Variants in TMC8 observed in about 807,000 individuals in gnomAD.
TMC8 encodes the protein transmembrane channel like 8.
A neutral mutation model predicts 76.0 loss-of-function variants in TMC8; 71 were observed. The ratio of observed to expected loss-of-function variants is 0.93; its 90% CI spans 0.77 to 1.14. The LOEUF (loss-of-function observed/expected upper bound fraction) is 1.14, where lower values mean the gene tolerates loss of function less well. TMC8 is among the 50% of genes most tolerant of loss of function. TMC8 has a pLI of 0.00. For synonymous variants in TMC8, 433 were observed against 433.8 expected (o/e 1.00, Z 0.02); for missense variants, 924 against 947.9 (o/e 0.97, Z 0.33).
In TMC8 at chr17:78,137,932, G is replaced by A. The variant is rs547998174; in HGVS notation, c.1350-73G>A. 447 of 1,604,434 alleles carry A rather than the reference G, an allele frequency of 2.8e-4. 3 individuals carry two copies. Among genetic ancestry groups the A allele is most frequent in the South Asian group, 3.5e-4 (32 of 90,768 alleles). The stretch of plus-strand genomic sequence containing the variant: ...TGTGGAGCCCGGGAGTAAGTGGCAG[G>A]CTGTGGCCATGACCAATACAGCCCA... On this transcript the variant is annotated intron_variant, in intron 11 of 15. Coordinates refer to ENST00000318430, the MANE Select transcript of TMC8 (RefSeq NM_152468.5).
chr17:78,134,181 C>A (rs1006049303), intron 7 of TMC8, among the ~76,000 whole-genome samples, 181 bp downstream of exon 7: 7 of 152,146 alleles, frequency 4.6e-5, no homozygotes, highest in Non-Finnish European at 1.0e-4. Context: ...GCATGTGTGG[C>A]CGAGTGTGAG....
chr17:78,140,949 CCTT>C lies in TMC8; in HGVS notation c.2021_2023del (p.Phe674del). 6 of 1,594,030 alleles carry C rather than the reference CCTT, an allele frequency of 3.8e-6. No homozygotes were observed. The highest frequency in any genetic ancestry group is 1.1e-5 in the South Asian group (1 of 88,684). On this transcript the variant is annotated inframe_deletion, in exon 16 of 16. Transcript: ENST00000318430. ...GCCTCCCAAGCTTCGCGCCCGCAGTCCTTCTGCCCCGGATGCCCATGCCCTGGC... is the reference window on the plus strand; with the variant it reads ...GCCTCCCAAGCTTCGCGCCCGCAGTCCTGCCCCGGATGCCCATGCCCTGGC...
intron 15 of TMC8, 151 bp downstream of exon 15, chr17:78,139,391 G>A (rs1240270653): frequency 1.2e-5 from 10 of 831,652 alleles, no homozygotes; most frequent in Non-Finnish European, 1.9e-5. Context: ...GACGGGGAAG[G>A]GGAGGAAGAG....
chr17:78,137,799 T>C lies in TMC8; in HGVS notation c.1334T>C (p.Val445Ala), dbSNP rs1295154425. 3 of 1,613,334 alleles carry C rather than the reference T, an allele frequency of 1.9e-6. No individual in the cohort carries two copies. Among genetic ancestry groups the C allele is most frequent in the South Asian group, 2.2e-5 (2 of 91,082 alleles). Residue 445 changes from valine (V) to alanine (A), a missense_variant, in exon 11 of 16, where the codon GTC (valine) becomes GCC (alanine). Transcript: ENST00000318430. ...CTCACCGTGGCCTTCGCCTTCCTGG[T>C]CACCCTGCCTCGGAGGTGAGCCCCG... The part of the protein sequence containing the change: ...FLLTVAFAFL[V>A]TLPRRLLVDR...
chr17:78,134,105 C>T, intron 7 of TMC8, 105 bp downstream of exon 7: 1 of 1,533,652 alleles, frequency 6.5e-7, no homozygotes, highest in Non-Finnish European at 9.0e-7. Context: ...GCGACCGTGC[C>T]AGTGTGTGTG....
At chr17:78,140,496 G>C (rs983077276) in intron 15 of TMC8, among the ~76,000 whole-genome samples, 1 of 151,568 alleles carries the variant, frequency 6.6e-6, no homozygotes, top group African/African-American at 2.4e-5. Context: ...GATCTGCATG[G>C]GGTGGGACCC....
rs1568010910 is a variant in TMC8, at chr17:78,131,461, C to T, written c.-128C>T. 2.9e-6 allele frequency: 4 copies of T among 1,361,644 alleles called. No homozygotes were observed. In the South Asian group the frequency reaches 3.8e-5, roughly 13 times the overall value. 84.3% of individuals were successfully genotyped at this position (1,361,644 alleles called of 1,614,324 possible). A position where few individuals can be genotyped will look rare whatever the true frequency, so the allele number is the denominator to read the frequency against. On this transcript the variant is annotated 5_prime_UTR_variant, in exon 2 of 16. The change creates a new upstream start codon in the 5' untranslated region. Coordinates refer to ENST00000318430, the MANE Select transcript of TMC8 (RefSeq NM_152468.5). The stretch of plus-strand genomic sequence containing the variant: ...GGCCCCGACGCCGGCGCAGAGGGGA[C>T]GGAAGGGCCCGCCCCCAGCCCAGCG...
In TMC8 at chr17:78,141,307, C is replaced by T; in HGVS notation, c.*195C>T. On this transcript the variant is annotated 3_prime_UTR_variant, in exon 16 of 16. Transcript: ENST00000318430. Reference sequence around the variant, plus strand: ...TTTCTTTCTATATTTTAATCTCATCCCTTTAAAATGTCTATTTTTTATTGT... The same window carrying T: ...TTTCTTTCTATATTTTAATCTCATCTCTTTAAAATGTCTATTTTTTATTGT... 2.5e-6 allele frequency: 1 copy of T among 405,602 alleles called. No homozygotes were observed. Among genetic ancestry groups the T allele is most frequent in the Non-Finnish European group, 4.4e-6 (1 of 229,772 alleles). 25.1% of individuals were successfully genotyped at this position (405,602 alleles called of 1,614,324 possible). A position where few individuals can be genotyped will look rare whatever the true frequency, so the allele number is the denominator to read the frequency against.
At chr17:78,134,218 C>T (rs966753590) in intron 7 of TMC8, among the ~76,000 whole-genome samples, 176 bp from the exon 8 acceptor site, 8 of 152,214 alleles carry the variant, frequency 5.3e-5, no homozygotes, top group Admixed American at 2.0e-4. Context: ...TGGGTGATGG[C>T]GAGCACGCCT....
chr17:78,135,642 G>A lies in TMC8; in HGVS notation c.1127+633G>A, dbSNP rs546033952. Among the ~76,000 whole-genome samples, 466 of 152,264 alleles carry A rather than the reference G, an allele frequency of 3.1e-3. 4 individuals are homozygous for A. Among genetic ancestry groups the A allele is most frequent in the Non-Finnish European group, 5.2e-3 (356 of 68,016 alleles). On this transcript the variant is annotated intron_variant, in intron 9 of 15. Transcript: ENST00000318430. Reference sequence around the variant, plus strand: ...CCCTCATCCAGCTGCAGAAATTCTTGTGTAAAGCCCACCTGAGCTCCCACT... The same window carrying A: ...CCCTCATCCAGCTGCAGAAATTCTTATGTAAAGCCCACCTGAGCTCCCACT...
intron 5 of TMC8, among the ~76,000 whole-genome samples, chr17:78,133,081 C>T (rs1238347246): frequency 1.3e-5 from 2 of 152,184 alleles, no homozygotes; most frequent in Non-Finnish European, 2.9e-5. Context: ...GACACATGCC[C>T]GTGGTCCTCA....
At chr17:78,137,133 CACA>C in intron 9 of TMC8, 99 bp from the exon 10 acceptor site, 5 of 1,551,864 alleles carry the variant, frequency 3.2e-6, no homozygotes, top group Middle Eastern at 1.8e-4. Context: ...GGGCCCAGGA[CACA>C]ACATGATCCC....
chr17:78,137,825 G>C lies in TMC8; in HGVS notation c.1349+11G>C, dbSNP rs751680660. The C allele has an allele frequency of 8.4e-5, 135 of 1,612,314 alleles. No individual in the cohort carries two copies. Among genetic ancestry groups the C allele is most frequent in the Non-Finnish European group, 1.1e-4 (128 of 1,179,828 alleles). ...CACCCTGCCTCGGAGGTGAGCCCCG[G>C]GGTGACACCTCCAGAAGGGCGGGGG... On this transcript the variant is annotated intron_variant, in intron 11 of 15. Coordinates refer to ENST00000318430, the MANE Select transcript of TMC8 (RefSeq NM_152468.5).
chr17:78,134,667 T>TCGGTCGTGGCCACAGGTCA lies in TMC8; in HGVS notation c.987+107_987+125dup, dbSNP rs1466973252. 2.6e-6 allele frequency: 4 copies of TCGGTCGTGGCCACAGGTCA among 1,547,016 alleles called. No individual in the cohort carries two copies. The African/African-American group carries it at 5.5e-5, about 21-fold the overall frequency. ...GAAACCGAGGCTCAGAGAGGTTCAA[T>TCGGTCGTGGCCACAGGTCA]CGGTCGTGGCCACAGGTCACGGCCA... is the stretch of plus-strand genomic sequence containing the variant. On this transcript the variant is annotated intron_variant, in intron 8 of 15. Transcript: ENST00000318430.
intron 9 of TMC8, chr17:78,136,617 T>TA (rs1473714887): frequency 1.1e-5 from 2 of 176,652 alleles, no homozygotes; most frequent in African/African-American, 4.8e-5. Context: ...TCAATGTCCA[T>TA]AGGCGGCGGA....
chr17:78,132,435 G>A lies in TMC8; in HGVS notation c.375G>A (p.Leu125=), dbSNP rs771956551. The change falls in exon 4 of 16, where the codon CTG becomes CTA. Residue 125 remains leucine, a synonymous_variant. Coordinates refer to ENST00000318430, the MANE Select transcript of TMC8 (RefSeq NM_152468.5). ...TGCTACTCAACCTGCTGAGCCTGCT[G>A]CTCACCGCAAGCTTCGTGCTGCTGC... ...FLLLLNLLSL[L]LTASFVLLPL... is the part of the protein sequence containing the mutation. 2 of 1,612,732 alleles carry A rather than the reference G, an allele frequency of 1.2e-6. No individual in the cohort carries two copies. Among genetic ancestry groups the A allele is most frequent in the South Asian group, 1.1e-5 (1 of 90,850 alleles).
chr17:78,132,100 G>C (rs1444187048), intron 3 of TMC8, 70 bp downstream of exon 3: 1 of 1,531,622 alleles, frequency 6.5e-7, no homozygotes, highest in East Asian at 2.4e-5. Flanking sequence ...GGAAAAAGGA[G>C]AGTGGCATCA....
intron 6 of TMC8, 77 bp from the exon 7 acceptor site, chr17:78,133,776 C>T: frequency 1.2e-6 from 2 of 1,606,190 alleles, no homozygotes; most frequent in African/African-American, 1.3e-5. Context: ...CCTTCCCAGA[C>T]CCAGAGCCGA....
chr17:78,139,371 T>C, intron 15 of TMC8, 131 bp downstream of exon 15: 1 of 994,078 alleles, frequency 1.0e-6, no homozygotes, highest in Non-Finnish European at 1.5e-6. Context: ...GGCCTCAGGC[T>C]GAGAGTGAAG....
Sources: allele counts gnomAD v4.1 joint callset (sites outside exome capture counted in the v4.1 genomes callset), GRCh38; gene constraint gnomAD v4.1.1; transcripts MANE v1.5; gene names NCBI Gene and HGNC (gene_info 2026-07-23, HGNC 2026-07-21).